TFDP2: variants seen among roughly 807,000 people sequenced by gnomAD.
TFDP2 encodes the protein transcription factor Dp-2, also known as transcription factor Dp-2 (E2F dimerization partner 2).
In TFDP2, 17 loss-of-function variants were observed where a neutral mutation model predicts 59.3. The ratio of observed to expected loss-of-function variants is 0.29; its 90% CI spans 0.20 to 0.43. The LOEUF (loss-of-function observed/expected upper bound fraction) is 0.43, where lower values mean the gene tolerates loss of function less well. Among genes scored for constraint, TFDP2 ranks in the 20% least tolerant of loss-of-function variants. The probability of loss-of-function intolerance (pLI) is 1.00; values close to 1 mark genes in which losing one functional copy is unlikely to be tolerated. For synonymous variants in TFDP2, 180 were observed against 194.7 expected (o/e 0.92, Z 0.63); for missense variants, 391 against 528.8 (o/e 0.74, Z 2.56).
At position 141,945,281 on chromosome 3, in the gene TFDP2, C is replaced by T. The variant is rs1181469730; in HGVS notation, c.*7232G>A. On this transcript the variant is annotated 3_prime_UTR_variant, in exon 13 of 13. Transcript: ENST00000489671. ...AGTAGCTGGGATTACAGGCATGCGC[C>T]ACCACACCCGGCTAATTTTATATTT... 1 of 152,228 alleles carries T rather than the reference C, an allele frequency of 6.6e-6. No homozygotes were observed. Among genetic ancestry groups the T allele is most frequent in the Non-Finnish European group, 1.5e-5 (1 of 68,188 alleles). 9.4% of individuals were successfully genotyped at this position (152,228 alleles called of 1,614,324 possible). A position where few individuals can be genotyped will look rare whatever the true frequency, so the allele number is the denominator to read the frequency against.
chr3:142,110,954 GAA>G (rs10713378), intron 1 of TFDP2, among the ~76,000 whole-genome samples: 14 of 148,684 alleles, frequency 9.4e-5, no homozygotes, highest in South Asian at 2.1e-4. Context: ...CTCTGCCTTG[GAA>G]AAAAAAAAAA....
At chr3:141,964,220 A>C (rs1282090288) in intron 9 of TFDP2, among the ~76,000 whole-genome samples, 1 of 152,142 alleles carries the variant, frequency 6.6e-6, no homozygotes, top group African/African-American at 2.4e-5. Flanking sequence ...CTCTTCAGCA[A>C]ATGACACAGC....
intron 3 of TFDP2, among the ~76,000 whole-genome samples, chr3:142,013,155 T>G (rs1436575794): frequency 6.6e-6 from 1 of 151,644 alleles, no homozygotes; most frequent in African/African-American, 2.4e-5. Context: ...AATAAATAAA[T>G]AAAAATAAAA....
chr3:142,024,054 C>T (rs1945876622), intron 3 of TFDP2, among the ~76,000 whole-genome samples: 1 of 152,022 alleles, frequency 6.6e-6, no homozygotes, highest in Admixed American at 6.5e-5. Flanking sequence ...CCTACCTCTC[C>T]AGGTGCTGGG....
At chr3:142,054,384 C>CA (rs1278773612) in intron 3 of TFDP2, among the ~76,000 whole-genome samples, 2 of 152,092 alleles carry the variant, frequency 1.3e-5, no homozygotes, top group Non-Finnish European at 2.9e-5. Flanking sequence ...AATCCAGACA[C>CA]AAAATGAGAT....
intron 4 of TFDP2, among the ~76,000 whole-genome samples, chr3:141,996,883 A>G (rs750915738): frequency 1.4e-4 from 22 of 152,248 alleles, no homozygotes; most frequent in Non-Finnish European, 2.9e-4. Context: ...AATAAAAACA[A>G]AAGTTAATAA....
intron 3 of TFDP2, among the ~76,000 whole-genome samples, chr3:142,086,067 T>A (rs893917523): frequency 1.3e-5 from 2 of 152,196 alleles, no homozygotes; most frequent in African/African-American, 2.4e-5. Flanking sequence ...CTGGATTTGG[T>A]GGTAACTTCT....
At chr3:142,068,074 A>C (rs1294351123) in intron 3 of TFDP2, among the ~76,000 whole-genome samples, 2 of 151,908 alleles carry the variant, frequency 1.3e-5, no homozygotes, top group Non-Finnish European at 2.9e-5. Context: ...TGGCAAAAGA[A>C]CGGCAAAATA....
At chr3:142,064,315 C>T (rs994393962) in intron 3 of TFDP2, among the ~76,000 whole-genome samples, 11 of 152,244 alleles carry the variant, frequency 7.2e-5, no homozygotes, top group African/African-American at 2.4e-4. Flanking sequence ...TACCAATTTT[C>T]AGGTCCCACC....
chr3:141,995,024 G>T lies in TFDP2; in HGVS notation c.304C>A (p.Pro102Thr). ...AGTAACTTGCAACACTCTTACCCAG[G>T]GACCCAGCCAGTAGCTTCTGCTATG... Reference protein sequence around the residue: ...THIAEATGWVPGDRKRARKFI... With the variant: ...THIAEATGWVTGDRKRARKFI... The change falls in exon 5 of 13, where the codon CCT becomes ACT. Residue 102 changes from proline to threonine, a missense_variant. Coordinates refer to ENST00000489671, the MANE Select transcript of TFDP2 (RefSeq NM_001178139.2). The T allele has an allele frequency of 6.3e-7, 1 of 1,579,998 alleles. No homozygotes were observed. Among genetic ancestry groups the T allele is most frequent in the East Asian group, 2.3e-5 (1 of 43,880 alleles).
intron 3 of TFDP2, among the ~76,000 whole-genome samples, chr3:142,070,469 C>T (rs73232672): frequency 0.084 from 12,858 of 152,182 alleles, 688 homozygotes; most frequent in Middle Eastern, 0.14. Context: ...TTTGTAGAGG[C>T]AATGCCTCCC....
chr3:142,010,608 C>CA (rs34003711), intron 3 of TFDP2, among the ~76,000 whole-genome samples: 16,785 of 56,706 alleles, frequency 0.3, 2,249 homozygotes, highest in Non-Finnish European at 0.35. Context: ...GACTCTGTCT[C>CA]AAAAAAAAAA....
At chr3:141,954,006 C>G (rs894623119) in intron 11 of TFDP2, among the ~76,000 whole-genome samples, 2 of 151,532 alleles carry the variant, frequency 1.3e-5, no homozygotes, top group Non-Finnish European at 2.9e-5. Flanking sequence ...ATTAAAAATA[C>G]AAAATTAGCT....
Position 141,950,174 on chromosome 3 carries a change from C to T in TFDP2, c.*2339G>A, listed in dbSNP as rs1935786900. On this transcript the variant is annotated 3_prime_UTR_variant, in exon 13 of 13. Transcript: ENST00000489671. ...TGTGACTCAGTGCTGAGCTTTAGAC[C>T]CAGATAAATGTTGAGGGGGAATACA... 1 of 152,112 alleles carries T rather than the reference C, an allele frequency of 6.6e-6. No individual in the cohort carries two copies. The highest frequency in any genetic ancestry group is 6.6e-5 in the Admixed American group (1 of 15,258). The allele number at this position is 152,112 out of a possible 1,614,324, so 9.4% of individuals were successfully genotyped here.
At chr3:141,964,347 T>C (rs1271561861) in intron 9 of TFDP2, among the ~76,000 whole-genome samples, 1 of 152,136 alleles carries the variant, frequency 6.6e-6, no homozygotes, top group African/African-American at 2.4e-5. Flanking sequence ...CAAAATTGTT[T>C]CTTCAAATAA....
chr3:141,971,503 T>C (rs1385392847), intron 8 of TFDP2, among the ~76,000 whole-genome samples: 1 of 151,662 alleles, frequency 6.6e-6, no homozygotes, highest in Non-Finnish European at 1.5e-5. Flanking sequence ...GAGCCGAAGA[T>C]TGCGCCACTG....
chr3:141,961,961 T>G (rs1056740885), intron 10 of TFDP2, among the ~76,000 whole-genome samples: 11 of 151,632 alleles, frequency 7.3e-5, no homozygotes, highest in South Asian at 4.2e-4. Flanking sequence ...ACTCTTTTTT[T>G]GGGGGGGACG....
At chr3:142,129,203 T>TA (rs111623519) in intron 1 of TFDP2, among the ~76,000 whole-genome samples, 37 of 146,910 alleles carry the variant, frequency 2.5e-4, no homozygotes, top group Middle Eastern at 3.4e-3. Context: ...GGAGGCTGGT[T>TA]AAAAAAAAAA....
intron 3 of TFDP2, among the ~76,000 whole-genome samples, chr3:142,071,161 G>GTT (rs112791197): frequency 3.4e-5 from 5 of 145,166 alleles, no homozygotes; most frequent in South Asian, 2.2e-4. Flanking sequence ...TCTTAAAGGA[G>GTT]TTTTTTTTTT....
Sources: gnomAD v4.1 joint callset for allele counts (sites outside exome capture counted in the v4.1 genomes callset) on GRCh38, gnomAD v4.1.1 for gene constraint, MANE v1.5 for transcripts, NCBI Gene and HGNC (gene_info 2026-07-23, HGNC 2026-07-21) for gene names.